Variants in CLVS1 observed in about 807,000 individuals in gnomAD.
CLVS1 encodes the protein clavesin-1.
In CLVS1, 10 loss-of-function variants were observed where a neutral mutation model predicts 33.1. The observed-to-expected ratio is 0.30, with a 90% CI of 0.19 to 0.51. CLVS1 has a LOEUF of 0.51. CLVS1 is among the 20% of genes least tolerant of loss of function. CLVS1 has a pLI of 0.97. For missense variants in CLVS1, 343 were observed against 433.4 expected (o/e 0.79, Z 1.85); for synonymous variants, 163 against 166.1 (o/e 0.98, Z 0.14).
chr8:61,059,643 C>G (rs1804548186), intron 1 of CLVS1, among the ~76,000 whole-genome samples: 2 of 151,024 alleles, frequency 1.3e-5, no homozygotes, highest in Non-Finnish European at 3.0e-5. Flanking sequence ...AACCCCATGT[C>G]TACTAAAAAT....
intron 2 of CLVS1, among the ~76,000 whole-genome samples, chr8:61,147,666 T>G (rs1277659674): frequency 6.6e-6 from 1 of 152,206 alleles, no homozygotes; most frequent in Non-Finnish European, 1.5e-5. Context: ...CAAATGGAAC[T>G]TGCTTAATTC....
chr8:61,202,991 C>G, intron 2 of CLVS1: 2 of 1,434,814 alleles, frequency 1.4e-6, no homozygotes, highest in East Asian at 4.5e-5. Flanking sequence ...GACTCAAAAC[C>G]ATCAACACCA....
chr8:61,077,536 C>A (rs1202119715), intron 1 of CLVS1, among the ~76,000 whole-genome samples: 1 of 150,748 alleles, frequency 6.6e-6, no homozygotes, highest in Non-Finnish European at 1.5e-5. Flanking sequence ...AGCGCAGTGG[C>A]GCGATCTCGG....
intron 2 of CLVS1, among the ~76,000 whole-genome samples, chr8:61,173,897 T>C (rs963342510): frequency 6.6e-6 from 1 of 152,212 alleles, no homozygotes; most frequent in African/African-American, 2.4e-5. Flanking sequence ...GTGTCTGATA[T>C]TTATGCACAA....
chr8:61,120,861 C>T (rs78064073), intron 1 of CLVS1, among the ~76,000 whole-genome samples: 13 of 147,784 alleles, frequency 8.8e-5, no homozygotes, highest in Admixed American at 2.0e-4. Flanking sequence ...GTGGAGCCTA[C>T]AGAGGCAGGC....
intron 1 of CLVS1, among the ~76,000 whole-genome samples, chr8:61,073,360 A>G (rs1804836750): frequency 6.6e-6 from 1 of 152,170 alleles, no homozygotes; most frequent in African/African-American, 2.4e-5. Context: ...ATTTCCTTTC[A>G]TTGGCTTTTT....
In CLVS1 at chr8:61,448,634, G is replaced by A. The variant is rs184449322; in HGVS notation, c.631-5507G>A. ...CTCATGCCTGTAATCCCAGGAATTT[G>A]GGAGGCTGAGGCAAAAGGATCACTT... On this transcript the variant is annotated intron_variant, in intron 3 of 5. Transcript: ENST00000325897. 6.7e-4 allele frequency among the ~76,000 whole-genome samples: 101 copies of A among 151,782 alleles called. 1 individual carries two copies. The highest frequency in any genetic ancestry group is 2.4e-3 in the African/African-American group (101 of 41,394).
intron 2 of CLVS1, among the ~76,000 whole-genome samples, chr8:61,341,221 A>C (rs1262659172): frequency 6.6e-6 from 1 of 152,156 alleles, no homozygotes; most frequent in Non-Finnish European, 1.5e-5. Context: ...CCTGTTTCAC[A>C]TGTTGGTAAG....
intron 2 of CLVS1, among the ~76,000 whole-genome samples, chr8:61,138,602 C>CTTGGAGATTTCTCAACTAATTT (rs1806237439): frequency 6.8e-6 from 1 of 147,310 alleles, no homozygotes; most frequent in African/African-American, 2.5e-5. Context: ...GGAGGTTGAT[C>CTTGGAGATTTCTCAACTAATTT]AGAAGCAGGA....
the CLVS1 span, among the ~76,000 whole-genome samples, chr8:60,986,420 A>T: frequency 2.6e-5 from 4 of 152,252 alleles, no homozygotes; most frequent in Non-Finnish European, 5.9e-5. Context: ...CCAGGGTCAG[A>T]GGCCTGGCTT....
chr8:61,074,399 T>TA (rs1554532067), intron 1 of CLVS1, among the ~76,000 whole-genome samples: 2 of 55,576 alleles, frequency 3.6e-5, no homozygotes, highest in African/African-American at 4.7e-4. Context: ...TATATATATG[T>TA]TATATATATA....
At chr8:60,990,713 GTT>G in the CLVS1 span, among the ~76,000 whole-genome samples, 1 of 141,776 alleles carries the variant, frequency 7.1e-6, no homozygotes. Flanking sequence ...GGTTTTTTTT[GTT>G]TTTTTTTTTT....
intron 2 of CLVS1, among the ~76,000 whole-genome samples, chr8:61,353,567 T>G (rs535448597): frequency 8.4e-4 from 128 of 151,968 alleles, no homozygotes; most frequent in Non-Finnish European, 1.7e-3. Flanking sequence ...AAACGCAGCA[T>G]ATCCACATAT....
chr8:61,483,083 A>T lies in CLVS1; in HGVS notation c.978-16372A>T, dbSNP rs1009283474. On this transcript the variant is annotated intron_variant, in intron 5 of 5. Coordinates refer to ENST00000325897, the MANE Select transcript of CLVS1 (RefSeq NM_173519.3). ...AAAAGCTAGCAGAAGGCAAGAAATA[A>T]CTAAGATCAGAGCAGAACTGAAGGC... Among the ~76,000 whole-genome samples the T allele has an allele frequency of 3.3e-5, 5 of 152,352 alleles. No individual in the cohort carries two copies. The South Asian group carries it at 1.0e-3, about 32-fold the overall frequency.
intron 3 of CLVS1, among the ~76,000 whole-genome samples, chr8:61,435,772 A>G (rs1474416555): frequency 6.6e-6 from 1 of 152,190 alleles, no homozygotes; most frequent in African/African-American, 2.4e-5. Context: ...ATATAAAATA[A>G]AGGCAGAAAA....
chr8:61,475,280 A>C (rs1817879321), intron 5 of CLVS1, among the ~76,000 whole-genome samples: 2 of 152,240 alleles, frequency 1.3e-5, no homozygotes, highest in South Asian at 4.1e-4. Flanking sequence ...TCTTTATAGC[A>C]GCATGATTTA....
chr8:61,468,693 C>T (rs1234791975), intron 5 of CLVS1, among the ~76,000 whole-genome samples: 1 of 134,484 alleles, frequency 7.4e-6, no homozygotes, highest in Non-Finnish European at 1.5e-5. Context: ...AGTCTGATAT[C>T]CCAGCCATAT....
intron 1 of CLVS1, among the ~76,000 whole-genome samples, chr8:61,062,581 T>G (rs1024317360): frequency 6.6e-6 from 1 of 152,238 alleles, no homozygotes; most frequent in Non-Finnish European, 1.5e-5. Context: ...TGCTTTTGTT[T>G]TATTTTCTGA....
At chr8:61,302,202 A>T (rs184052068) in intron 2 of CLVS1, among the ~76,000 whole-genome samples, 1 of 152,136 alleles carries the variant, frequency 6.6e-6, no homozygotes, top group Non-Finnish European at 1.5e-5. Flanking sequence ...CAACACTATC[A>T]GTCTAGAATT....
Sources: gnomAD v4.1 joint callset for allele counts (sites outside exome capture counted in the v4.1 genomes callset) on GRCh38, gnomAD v4.1.1 for gene constraint, MANE v1.5 for transcripts, NCBI Gene and HGNC (gene_info 2026-07-23, HGNC 2026-07-21) for gene names.